VPS4B: variants seen among roughly 807,000 people sequenced by gnomAD.
VPS4B encodes the protein vacuolar protein sorting-associated protein 4B.
VPS4B carries 23 observed loss-of-function variants against 56.1 expected under a neutral mutation model. That is an observed-to-expected ratio of 0.41 (90% CI 0.30 to 0.58). VPS4B has a LOEUF of 0.58. VPS4B is among the 20% of genes least tolerant of loss of function. The pLI is 0.29. For synonymous variants in VPS4B, 177 were observed against 186.0 expected (o/e 0.95, Z 0.39); for missense variants, 372 against 531.9 (o/e 0.70, Z 2.96).
intron 3 of VPS4B, among the ~76,000 whole-genome samples, chr18:63,409,615 T>C (rs1408853564): frequency 2.0e-5 from 3 of 152,220 alleles, no homozygotes; most frequent in Non-Finnish European, 4.4e-5. Context: ...ATATGTCATG[T>C]ACTGAATAAA....
chr18:63,392,173 T>C (rs996603908), intron 10 of VPS4B, among the ~76,000 whole-genome samples: 7 of 152,210 alleles, frequency 4.6e-5, no homozygotes, highest in Non-Finnish European at 8.8e-5. Context: ...TTAAAGGTCT[T>C]TGAAGATCTG....
chr18:63,422,282 C>T lies in VPS4B; in HGVS notation c.-23G>A. 1 of 1,500,318 alleles carries T rather than the reference C, an allele frequency of 6.7e-7. No homozygotes were observed. The highest frequency in any genetic ancestry group is 1.3e-5 in the South Asian group (1 of 77,546). 92.9% of individuals were successfully genotyped at this position (1,500,318 alleles called of 1,614,324 possible). A position where few individuals can be genotyped will look rare whatever the true frequency, so the allele number is the denominator to read the frequency against. On this transcript the variant is annotated 5_prime_UTR_variant, in exon 1 of 11. Transcript: ENST00000238497. ...CATGGCGGAGTTCCCAGGCGGTTCC[C>T]AAGGGAACGAGGGGCGAGGAGAGCC...
chr18:63,407,298 A>G lies in VPS4B; in HGVS notation c.364+134T>C. 5 of 750,172 alleles carry G rather than the reference A, an allele frequency of 6.7e-6. No homozygotes were observed. In the South Asian group the frequency reaches 8.8e-5, roughly 13 times the overall value. 46.5% of individuals were successfully genotyped at this position (750,172 alleles called of 1,614,324 possible). On this transcript the variant is annotated intron_variant, in intron 4 of 10. Transcript: ENST00000238497. ...AAAACACTCTAAACAAAGCCAGCAC[A>G]TGACTATTGGGAACCAAAGCCAGTT...
At chr18:63,405,843 G>A (rs913164661) in intron 4 of VPS4B, among the ~76,000 whole-genome samples, 7 of 151,222 alleles carry the variant, frequency 4.6e-5, no homozygotes, top group Admixed American at 2.0e-4. Flanking sequence ...AAACTTAGCC[G>A]GGCATGGTGG....
At chr18:63,419,244 G>A (rs539074084) in intron 1 of VPS4B, among the ~76,000 whole-genome samples, 107 of 152,258 alleles carry the variant, frequency 7.0e-4, no homozygotes, top group Admixed American at 1.3e-4. Flanking sequence ...CCAACACAGC[G>A]AATCCCCGTC....
At chr18:63,414,209 C>T (rs1165225097) in intron 1 of VPS4B, among the ~76,000 whole-genome samples, 2 of 151,654 alleles carry the variant, frequency 1.3e-5, no homozygotes, top group Non-Finnish European at 2.9e-5. Flanking sequence ...TAATGAAACC[C>T]CATCTCTAAA....
intron 4 of VPS4B, chr18:63,404,515 G>A (rs568150234): frequency 3.3e-5 from 5 of 152,278 alleles, no homozygotes; most frequent in South Asian, 4.1e-4. Context: ...TTACAGGGAA[G>A]ATTTAGCTTC....
rs1337921216 is a variant in VPS4B, at chr18:63,391,043, G to GT, written c.1266dup (p.Pro423ThrfsTer5). 1.2e-6 allele frequency: 2 copies of GT among 1,613,516 alleles called. No individual in the cohort carries two copies. Among genetic ancestry groups the GT allele is most frequent in the Non-Finnish European group, 1.7e-6 (2 of 1,179,754 alleles). ...AACAAGTCATGTTCATTGACTGTAG[G>GT]TTTTGTGTTAGATAGTGACCGCAAC... On this transcript the variant is annotated frameshift_variant, in exon 11 of 11. Transcript: ENST00000238497. LOFTEE classifies it high-confidence loss of function.
intron 10 of VPS4B, among the ~76,000 whole-genome samples, chr18:63,391,796 T>A (rs1240847584): frequency 6.6e-6 from 1 of 152,188 alleles, no homozygotes; most frequent in African/African-American, 2.4e-5. Context: ...CAGAATACCA[T>A]TCTATGAAAA....
chr18:63,395,242 A>G (rs957967535), intron 9 of VPS4B, among the ~76,000 whole-genome samples: 1 of 152,212 alleles, frequency 6.6e-6, no homozygotes, highest in Non-Finnish European at 1.5e-5. Flanking sequence ...CTGAGTTCCT[A>G]TGCATTTATA....
intron 9 of VPS4B, among the ~76,000 whole-genome samples, chr18:63,394,032 C>T (rs1287891076): frequency 1.3e-5 from 2 of 152,190 alleles, no homozygotes; most frequent in African/African-American, 2.4e-5. Context: ...CGACTGCACC[C>T]AGCTGCTTTT....
intron 10 of VPS4B, among the ~76,000 whole-genome samples, chr18:63,392,332 A>AC (rs1301027191): frequency 6.6e-6 from 1 of 152,230 alleles, no homozygotes; most frequent in African/African-American, 2.4e-5. Context: ...ATTAACTGTA[A>AC]TTTTTAAAAA....
chr18:63,403,450 C>T (rs1915854586), intron 5 of VPS4B, among the ~76,000 whole-genome samples: 1 of 152,284 alleles, frequency 6.6e-6, no homozygotes, highest in Non-Finnish European at 1.5e-5. Context: ...CTCTATTTTA[C>T]TGAGTGCATA....
At position 63,398,204 on chromosome 18, in the gene VPS4B, C is replaced by CACACACACATATATATATATATATAT. The variant is rs1298374245; in HGVS notation, c.873-952_873-951insATATATATATATATATATGTGTGTGT. Among the ~76,000 whole-genome samples, 82 of 112,416 alleles carry CACACACACATATATATATATATATAT rather than the reference C, an allele frequency of 7.3e-4. 1 individual carries two copies. The highest frequency in any genetic ancestry group is 2.3e-3 in the African/African-American group (72 of 30,670). The allele number at this position is 112,416 out of a possible 152,430, so 73.7% of individuals were successfully genotyped here. A position where few individuals can be genotyped will look rare whatever the true frequency, so the allele number is the denominator to read the frequency against. ...ATATACATATATACACACACACACA[C>CACACACACATATATATATATATATAT]ATATATATATATATATATATTTTTT... On this transcript the variant is annotated intron_variant, in intron 8 of 10. Transcript: ENST00000238497.
rs576882739 is a variant in VPS4B, at chr18:63,410,831, T to C, written c.140-385A>G. 5.9e-5 allele frequency among the ~76,000 whole-genome samples: 9 copies of C among 152,342 alleles called. No individual in the cohort carries two copies. The South Asian group carries it at 1.9e-3, about 32-fold the overall frequency. ...AATAGAAGGAAAGCAGTATTAATCA[T>C]TTCTATGAATGTCTACAAAAGCTTT... On this transcript the variant is annotated intron_variant, in intron 2 of 10. Coordinates refer to ENST00000238497, the MANE Select transcript of VPS4B (RefSeq NM_004869.4).
intron 1 of VPS4B, chr18:63,415,557 C>T: frequency 3.6e-6 from 1 of 281,266 alleles, no homozygotes; most frequent in Non-Finnish European, 7.3e-6. Flanking sequence ...TCAAAATGTC[C>T]AGCTGGAATT....
chr18:63,391,489 G>A (rs6567339), intron 10 of VPS4B, among the ~76,000 whole-genome samples: 83,936 of 152,138 alleles, frequency 0.55, 23,834 homozygotes, highest in East Asian at 0.88. Flanking sequence ...TCTGCCTTGC[G>A]AAGTGCTGGG....
At chr18:63,398,086 G>C (rs1213033311) in intron 8 of VPS4B, among the ~76,000 whole-genome samples, 1 of 151,918 alleles carries the variant, frequency 6.6e-6, no homozygotes, top group Non-Finnish European at 1.5e-5. Flanking sequence ...GAAAAGTGAA[G>C]AGTCCGTATA....
intron 9 of VPS4B, among the ~76,000 whole-genome samples, chr18:63,396,182 T>C (rs1029307148): frequency 3.4e-5 from 5 of 147,564 alleles, no homozygotes; most frequent in South Asian, 2.3e-4. Context: ...TCTATACTTA[T>C]ATCAAAATAA....
Sources: allele counts gnomAD v4.1 joint callset (sites outside exome capture counted in the v4.1 genomes callset), GRCh38; gene constraint gnomAD v4.1.1; transcripts MANE v1.5; gene names NCBI Gene and HGNC (gene_info 2026-07-23, HGNC 2026-07-21).